Variants in GNAZ observed in about 807,000 individuals in gnomAD.
The protein encoded by GNAZ is G protein subunit alpha z.
In GNAZ, 3 loss-of-function variants were observed where a neutral mutation model predicts 25.4. The ratio of observed to expected loss-of-function variants is 0.12; its 90% CI spans 0.05 to 0.30. The LOEUF is 0.30. Among genes scored for constraint, GNAZ ranks in the 10% least tolerant of loss-of-function variants. The pLI, the probability that GNAZ is intolerant of heterozygous loss-of-function variation, is 1.00. For missense variants in GNAZ, 241 were observed against 501.8 expected (o/e 0.48, Z 4.97); for synonymous variants, 211 against 205.7 (o/e 1.03, Z -0.22).
chr22:23,080,536 G>A (rs943823522), intron 1 of GNAZ, among the ~76,000 whole-genome samples: 1 of 152,238 alleles, frequency 6.6e-6, no homozygotes, highest in African/African-American at 2.4e-5. Flanking sequence ...GCTTTGAGGA[G>A]GCAAAGAAAG....
intron 1 of GNAZ, among the ~76,000 whole-genome samples, chr22:23,083,830 C>T (rs1008848853): frequency 6.6e-6 from 1 of 152,204 alleles, no homozygotes; most frequent in African/African-American, 2.4e-5. Context: ...GTCGCGCGGG[C>T]CAGGTGGCAG....
intron 2 of GNAZ, among the ~76,000 whole-genome samples, chr22:23,109,685 G>A (rs945535409): frequency 6.6e-6 from 1 of 152,216 alleles, no homozygotes; most frequent in African/African-American, 2.4e-5. Context: ...GTCTCCCTCA[G>A]CATCTCAGAT....
intron 2 of GNAZ, among the ~76,000 whole-genome samples, chr22:23,116,338 C>T (rs1025625324): frequency 1.3e-5 from 2 of 152,228 alleles, no homozygotes; most frequent in African/African-American, 4.8e-5. Flanking sequence ...CTGGCCTGTC[C>T]GCCTGAGGGG....
At chr22:23,111,081 T>TGC in intron 2 of GNAZ, among the ~76,000 whole-genome samples, 1 of 152,336 alleles carries the variant, frequency 6.6e-6, no homozygotes, top group Non-Finnish European at 1.5e-5. Flanking sequence ...CTGGGGGGCC[T>TGC]GCGCGCCTTC....
chr22:23,111,932 G>A (rs1278763937), intron 2 of GNAZ, among the ~76,000 whole-genome samples: 3 of 152,168 alleles, frequency 2.0e-5, no homozygotes, highest in African/African-American at 7.2e-5. Context: ...GTGTCACTAG[G>A]AGCATGTTCT....
At chr22:23,082,634 A>C (rs2068715374) in intron 1 of GNAZ, among the ~76,000 whole-genome samples, 1 of 152,134 alleles carries the variant, frequency 6.6e-6, no homozygotes, top group Admixed American at 6.5e-5. Flanking sequence ...GCCAAGTATG[A>C]GGAGGAGGCT....
intron 1 of GNAZ, among the ~76,000 whole-genome samples, chr22:23,087,991 C>T (rs1305708176): frequency 6.6e-6 from 1 of 152,186 alleles, no homozygotes; most frequent in African/African-American, 2.4e-5. Flanking sequence ...AGGAGGTCTG[C>T]TTTGGGAGAG....
At chr22:23,119,576 A>G (rs1313437136) in intron 2 of GNAZ, among the ~76,000 whole-genome samples, 1 of 152,144 alleles carries the variant, frequency 6.6e-6, no homozygotes, top group East Asian at 1.9e-4. Context: ...GACCTTCTTT[A>G]TAGCCTTCCT....
At chr22:23,122,746 C>G in intron 2 of GNAZ, 1 of 310,134 alleles carries the variant, frequency 3.2e-6, no homozygotes, top group Non-Finnish European at 6.0e-6. Context: ...ATGGGGGGTC[C>G]TCGGAGCTGG....
In GNAZ at chr22:23,099,396, G is replaced by A. The variant is rs530871900; in HGVS notation, c.723+2978G>A. Among the ~76,000 whole-genome samples, 8 of 152,388 alleles carry A rather than the reference G, an allele frequency of 5.2e-5. 2 individuals are homozygous for A. Among genetic ancestry groups the A allele is most frequent in the African/African-American group, 1.9e-4 (8 of 41,594 alleles). Reference sequence around the variant, plus strand: ...CCCTGACTAGGGCCAAGTCCTGCAGGTGTGTCAGGCACCCCAGTGCCCCCA... The same window carrying A: ...CCCTGACTAGGGCCAAGTCCTGCAGATGTGTCAGGCACCCCAGTGCCCCCA... On this transcript the variant is annotated intron_variant, in intron 2 of 2. Coordinates refer to ENST00000615612, the MANE Select transcript of GNAZ (RefSeq NM_002073.4).
At chr22:23,081,266 G>C (rs1360491123) in intron 1 of GNAZ, among the ~76,000 whole-genome samples, 1 of 152,176 alleles carries the variant, frequency 6.6e-6, no homozygotes, top group East Asian at 1.9e-4. Context: ...CGCAAGGTGT[G>C]CTGTGGTTTA....
At chr22:23,106,868 G>A (rs1397394958) in intron 2 of GNAZ, among the ~76,000 whole-genome samples, 3 of 152,200 alleles carry the variant, frequency 2.0e-5, no homozygotes, top group Admixed American at 2.0e-4. Flanking sequence ...GCTGCCCAGG[G>A]GAATGGGCAG....
At chr22:23,121,157 T>C (rs1207369557) in intron 2 of GNAZ, among the ~76,000 whole-genome samples, 1 of 152,188 alleles carries the variant, frequency 6.6e-6, no homozygotes, top group East Asian at 1.9e-4. Flanking sequence ...TGTGTGTTGC[T>C]TGTCTCTGCA....
chr22:23,109,539 C>T (rs1245531568), intron 2 of GNAZ, among the ~76,000 whole-genome samples: 1 of 152,158 alleles, frequency 6.6e-6, no homozygotes, highest in Non-Finnish European at 1.5e-5. Flanking sequence ...CCAGGGCCTA[C>T]ACTTGGGAGG....
chr22:23,123,590 CAT>C lies in GNAZ; in HGVS notation c.*161_*162del. 1.7e-6 allele frequency: 1 copy of C among 604,024 alleles called. No homozygotes were observed. Among genetic ancestry groups the C allele is most frequent in the Non-Finnish European group, 2.9e-6 (1 of 339,426 alleles). 37.4% of individuals were successfully genotyped at this position (604,024 alleles called of 1,614,324 possible). On this transcript the variant is annotated 3_prime_UTR_variant, in exon 3 of 3. Transcript: ENST00000615612. ...CTCCTTGGCCCCACATTTCTGCAAA[CAT>C]AAATATTTACGGATAGATTGCTAGG...
intron 2 of GNAZ, among the ~76,000 whole-genome samples, chr22:23,097,014 G>A (rs186353002): frequency 6.6e-6 from 1 of 152,332 alleles, no homozygotes; most frequent in East Asian, 1.9e-4. Context: ...AGTGTGCTGA[G>A]GCCCAGCCAG....
rs2068479011 is a variant in GNAZ at position 23,075,187 on chromosome 22, C to G, written c.-450+4617C>G. On this transcript the variant is annotated intron_variant, in intron 1 of 2. Transcript: ENST00000615612. ...GTGGGCCCGCAACCTGCCTGCTGCCCAGTCCCCACAGCATTTCTCCTCCCT... is the reference window on the plus strand; with the variant it reads ...GTGGGCCCGCAACCTGCCTGCTGCCGAGTCCCCACAGCATTTCTCCTCCCT... Among the ~76,000 whole-genome samples, 3 of 152,148 alleles carry G rather than the reference C, an allele frequency of 2.0e-5. No homozygotes were observed. The South Asian group carries it at 6.2e-4, about 31-fold the overall frequency.
chr22:23,089,601 T>C (rs934558845), intron 1 of GNAZ, among the ~76,000 whole-genome samples: 5 of 152,096 alleles, frequency 3.3e-5, no homozygotes, highest in Non-Finnish European at 5.9e-5. Context: ...GGGCTATCAC[T>C]CAACATCTGT....
intron 1 of GNAZ, among the ~76,000 whole-genome samples, chr22:23,081,357 A>G (rs917006405): frequency 6.6e-6 from 1 of 152,160 alleles, no homozygotes; most frequent in African/African-American, 2.4e-5. Flanking sequence ...AGATATATGA[A>G]TGTATGTTTA....
Sources: gnomAD v4.1 joint callset for allele counts (sites outside exome capture counted in the v4.1 genomes callset) on GRCh38, gnomAD v4.1.1 for gene constraint, MANE v1.5 for transcripts, NCBI Gene and HGNC (gene_info 2026-07-23, HGNC 2026-07-21) for gene names.